The following SDK1 variants were observed in gnomAD, a reference collection of about 807,000 sequenced individuals.
The protein encoded by SDK1 is protein sidekick-1.
Under a neutral mutation model 245.5 loss-of-function variants are expected in SDK1, and 157 were observed. The ratio of observed to expected loss-of-function variants is 0.64; its 90% CI spans 0.56 to 0.73. The LOEUF is 0.73. SDK1 is among the 30% of genes least tolerant of loss of function. The pLI is 0.00. For missense variants in SDK1, 3,583 were observed against 3,002.3 expected (o/e 1.19, Z -4.52); for synonymous variants, 1,647 against 1,278.5 (o/e 1.29, Z -6.15).
At chr7:3,329,770 C>T (rs893764214) in intron 1 of SDK1, among the ~76,000 whole-genome samples, 6 of 152,208 alleles carry the variant, frequency 3.9e-5, no homozygotes, top group African/African-American at 1.4e-4. Flanking sequence ...ACTTAAAAAA[C>T]TGCATCTGTA....
At chr7:3,375,759 G>A (rs36104069) in intron 1 of SDK1, among the ~76,000 whole-genome samples, 1 of 152,164 alleles carries the variant, frequency 6.6e-6, no homozygotes, top group Non-Finnish European at 1.5e-5. Flanking sequence ...CAGCCCCAGG[G>A]AAGCCTTCAG....
At chr7:3,530,509 G>A (rs1434859609) in intron 1 of SDK1, among the ~76,000 whole-genome samples, 1 of 152,112 alleles carries the variant, frequency 6.6e-6, no homozygotes, top group Non-Finnish European at 1.5e-5. Flanking sequence ...AAAATGTAAG[G>A]AGTTGATAGA....
intron 4 of SDK1, among the ~76,000 whole-genome samples, chr7:3,687,177 CTT>C (rs34903598): frequency 2.1e-5 from 3 of 143,192 alleles, no homozygotes; most frequent in Admixed American, 6.9e-5. Flanking sequence ...CACAAATGTT[CTT>C]TTTTTTTTTT....
intron 22 of SDK1, among the ~76,000 whole-genome samples, chr7:4,105,163 A>G (rs1424521861): frequency 2.0e-5 from 3 of 151,502 alleles, no homozygotes; most frequent in African/African-American, 4.9e-5. Flanking sequence ...TTGTATTTTT[A>G]GCAGAGACGG....
chr7:3,599,440 A>G (rs888076069), intron 1 of SDK1, among the ~76,000 whole-genome samples: 1 of 152,140 alleles, frequency 6.6e-6, no homozygotes, highest in Non-Finnish European at 1.5e-5. Flanking sequence ...ATCTCTCCGT[A>G]GAGTCTTTTG....
chr7:3,996,413 T>C (rs138788566), intron 14 of SDK1, among the ~76,000 whole-genome samples: 1 of 152,352 alleles, frequency 6.6e-6, no homozygotes, highest in African/African-American at 2.4e-5. Context: ...TCAAAAGTAG[T>C]CTCATTGCAT....
At chr7:3,610,786 C>G (rs1781563143) in intron 1 of SDK1, among the ~76,000 whole-genome samples, 2 of 152,238 alleles carry the variant, frequency 1.3e-5, no homozygotes, top group Admixed American at 1.3e-4. Flanking sequence ...GACTTCCCCA[C>G]TGGCTGACTG....
At chr7:3,737,871 G>T (rs957773170) in intron 4 of SDK1, among the ~76,000 whole-genome samples, 1 of 152,182 alleles carries the variant, frequency 6.6e-6, no homozygotes, top group Non-Finnish European at 1.5e-5. Context: ...ACCAGACTGG[G>T]GAGGGGCAGC....
At chr7:4,001,312 G>T (rs1293885141) in intron 14 of SDK1, among the ~76,000 whole-genome samples, 1 of 152,192 alleles carries the variant, frequency 6.6e-6, no homozygotes, top group African/African-American at 2.4e-5. Flanking sequence ...CAAGCTTCTG[G>T]ATATATCCAG....
chr7:3,681,968 A>T (rs892962016), intron 4 of SDK1, among the ~76,000 whole-genome samples: 2 of 152,318 alleles, frequency 1.3e-5, no homozygotes, highest in South Asian at 4.1e-4. Context: ...GGTCTCTGAG[A>T]GCATAACATA....
At chr7:4,224,281 C>A (rs552266835) in intron 40 of SDK1, among the ~76,000 whole-genome samples, 1 of 152,226 alleles carries the variant, frequency 6.6e-6, no homozygotes, top group East Asian at 1.9e-4. Flanking sequence ...GGTGGCTTTG[C>A]TTCTGGGGAG....
intron 15 of SDK1, among the ~76,000 whole-genome samples, chr7:4,011,594 G>A (rs570764854): frequency 5.3e-5 from 8 of 152,324 alleles, no homozygotes; most frequent in Non-Finnish European, 7.3e-5. Flanking sequence ...AATCTCATTC[G>A]GAGGTGACAT....
chr7:4,156,772 G>A (rs1428497156), intron 30 of SDK1, among the ~76,000 whole-genome samples: 2 of 152,206 alleles, frequency 1.3e-5, no homozygotes, highest in Non-Finnish European at 2.9e-5. Context: ...GGGGCTGTGT[G>A]GGCCTCTGGA....
At chr7:3,662,037 T>C (rs1020711949) in intron 4 of SDK1, among the ~76,000 whole-genome samples, 2 of 115,126 alleles carry the variant, frequency 1.7e-5, no homozygotes, top group African/African-American at 6.2e-5. Flanking sequence ...GAGGCAACGG[T>C]TGTATTTTTT....
chr7:3,606,118 C>G (rs947065892), intron 1 of SDK1, among the ~76,000 whole-genome samples: 1 of 152,164 alleles, frequency 6.6e-6, no homozygotes, highest in African/African-American at 2.4e-5. Context: ...AGCTCTTGTT[C>G]TTTTCCTCTG....
chr7:4,059,906 G>A (rs1394892984), intron 19 of SDK1, among the ~76,000 whole-genome samples: 1 of 149,128 alleles, frequency 6.7e-6, no homozygotes, highest in East Asian at 1.9e-4. Flanking sequence ...TTGAGACGGA[G>A]TCTTGCTCTG....
Position 3,361,988 on chromosome 7 carries a change from C to A in SDK1, c.298+60104C>A, listed in dbSNP as rs561521128. ...CACATTGAGTTATGTCTTGGTACCA[C>A]GCTTTATTGCAAAACTCTCACAACT... On this transcript the variant is annotated intron_variant, in intron 1 of 44. Transcript: ENST00000404826. Among the ~76,000 whole-genome samples the A allele has an allele frequency of 2.0e-5, 3 of 152,242 alleles. No homozygotes were observed. In the South Asian group the frequency reaches 6.2e-4, roughly 32 times the overall value.
intron 1 of SDK1, among the ~76,000 whole-genome samples, chr7:3,574,147 C>G (rs974087783): frequency 6.6e-6 from 1 of 150,504 alleles, no homozygotes; most frequent in Non-Finnish European, 1.5e-5. Flanking sequence ...GATGGAGCCT[C>G]ACTCTGTCAC....
intron 14 of SDK1, 63 bp from the exon 15 acceptor site, chr7:4,010,903 C>T (rs1785892048): frequency 6.4e-7 from 1 of 1,551,238 alleles, no homozygotes; most frequent in Non-Finnish European, 8.9e-7. Flanking sequence ...CCTTTGCATT[C>T]ACCTCTTATT....
Sources: allele counts gnomAD v4.1 joint callset (sites outside exome capture counted in the v4.1 genomes callset), GRCh38; gene constraint gnomAD v4.1.1; transcripts MANE v1.5; gene names NCBI Gene and HGNC (gene_info 2026-07-23, HGNC 2026-07-21).